Variants in OR2T12 observed in about 807,000 individuals in gnomAD.
OR2T12 encodes the protein olfactory receptor family 2 subfamily T member 12, also known as olfactory receptor 2T12.
For missense variants in OR2T12, 335 were observed against 404.3 expected (o/e 0.83, Z 1.47); for synonymous variants, 127 against 160.5 (o/e 0.79, Z 1.58).
chr1:248,298,606 C>T (rs10749650), intron 2 of OR2T12, among the ~76,000 whole-genome samples: 111,061 of 148,256 alleles, frequency 0.75, 41,747 homozygotes, highest in South Asian at 0.87. Context: ...AGGAATTTAT[C>T]CATTTCTTCT....
intron 2 of OR2T12, among the ~76,000 whole-genome samples, chr1:248,296,462 GC>G (rs1243337733): frequency 2.0e-5 from 3 of 152,184 alleles, no homozygotes; most frequent in Non-Finnish European, 4.4e-5. Flanking sequence ...CGAGTTTACA[GC>G]CCCACCAACA....
In OR2T12 at chr1:248,294,934, G is replaced by C; in HGVS notation, c.645C>G (p.Ser215=). 2 of 1,611,848 alleles carry C rather than the reference G, an allele frequency of 1.2e-6. No individual in the cohort carries two copies. Among genetic ancestry groups the C allele is most frequent in the East Asian group, 4.5e-5 (2 of 44,870 alleles). The stretch of plus-strand genomic sequence containing the variant: ...GAACAGCAGCGAGGATGAGACCATA[G>C]GAGGACAGGATGAGGGAAAAGGGGA... ...LLVPFSLILS[S]YGLILAAVLL... is the part of the protein sequence containing the mutation. The change falls in exon 3 of 3, where the codon TCC becomes TCG. Residue 215 remains serine, a synonymous_variant. Coordinates refer to ENST00000641276, the MANE Select transcript of OR2T12 (RefSeq NM_001004692.2).
chr1:248,297,206 G>A (rs1444951536), intron 2 of OR2T12, among the ~76,000 whole-genome samples: 1 of 151,848 alleles, frequency 6.6e-6, no homozygotes, highest in Non-Finnish European at 1.5e-5. Flanking sequence ...CTGTTCCATT[G>A]ATCTATATCT....
At position 248,297,848 on chromosome 1, in the gene OR2T12, G is replaced by C. The variant is rs1041213322; in HGVS notation, c.-8-2262C>G. On this transcript the variant is annotated intron_variant, in intron 2 of 2. Coordinates refer to ENST00000641276, the MANE Select transcript of OR2T12 (RefSeq NM_001004692.2). ...CTAATTGAATACCCTTTATTTCCTT[G>C]TCCTGCCTAATTGCCCTGGCCAGAA... Among the ~76,000 whole-genome samples the C allele has an allele frequency of 9.0e-3, 1,326 of 147,610 alleles. 18 individuals carry two copies. Among genetic ancestry groups the C allele is most frequent in the African/African-American group, 0.033 (1,253 of 37,898 alleles).
intron 2 of OR2T12, among the ~76,000 whole-genome samples, chr1:248,299,355 T>C (rs1180744320): frequency 6.6e-6 from 1 of 151,214 alleles, no homozygotes; most frequent in Non-Finnish European, 1.5e-5. Flanking sequence ...ACCAAGCAAA[T>C]GGAAAACAAA....
At chr1:248,301,760 G>T (rs1659814188) in intron 1 of OR2T12, among the ~76,000 whole-genome samples, 1 of 152,078 alleles carries the variant, frequency 6.6e-6, no homozygotes, top group African/African-American at 2.4e-5. Flanking sequence ...AAAAGATGGT[G>T]CATACGTTCA....
chr1:248,294,757 G>C lies in OR2T12; in HGVS notation c.822C>G (p.Ala274=), dbSNP rs750419111. Residue 274 remains alanine, a synonymous_variant, in exon 3 of 3, where the codon GCC becomes GCG. Coordinates refer to ENST00000641276, the MANE Select transcript of OR2T12 (RefSeq NM_001004692.2). Reference sequence around the variant, plus strand: ...GTAAAGGGGTGAACATAGTATAGAAGGCTGACACAACCTTATCGTGGTTAG... The same window carrying C: ...GTAAAGGGGTGAACATAGTATAGAACGCTGACACAACCTTATCGTGGTTAG... ...RSTNHDKVVS[A]FYTMFTPLLN... 3 of 1,613,870 alleles carry C rather than the reference G, an allele frequency of 1.9e-6. No homozygotes were observed. In the African/African-American group the frequency reaches 4.0e-5, roughly 22 times the overall value.
Position 248,292,243 on chromosome 1 carries a change from A to C in OR2T12, c.*2373T>G, listed in dbSNP as rs1659643528. On this transcript the variant is annotated 3_prime_UTR_variant, in exon 3 of 3. Transcript: ENST00000641276. ...GATTGAAGATAGCAGGTAATATCCA[A>C]GATTAGTTCAAAGCCTCATCTTGAT... is the stretch of plus-strand genomic sequence containing the variant. The C allele has an allele frequency of 6.6e-6, 1 of 152,158 alleles. No individual in the cohort carries two copies. Among genetic ancestry groups the C allele is most frequent in the Non-Finnish European group, 1.5e-5 (1 of 67,974 alleles). 9.4% of individuals were successfully genotyped at this position (152,158 alleles called of 1,614,324 possible).
At chr1:248,296,098 C>T (rs1218637412) in intron 2 of OR2T12, among the ~76,000 whole-genome samples, 1 of 149,942 alleles carries the variant, frequency 6.7e-6, no homozygotes, top group African/African-American at 2.5e-5. Flanking sequence ...AGTGAGAATA[C>T]CCGGTGTTTG....
intron 2 of OR2T12, among the ~76,000 whole-genome samples, chr1:248,298,976 A>G (rs1659774962): frequency 1.3e-5 from 2 of 152,194 alleles, no homozygotes; most frequent in South Asian, 4.1e-4. Context: ...TTTACAGACA[A>G]GCAAATGCTG....
At chr1:248,302,298 T>A (rs532894275) in intron 1 of OR2T12, among the ~76,000 whole-genome samples, 2 of 152,234 alleles carry the variant, frequency 1.3e-5, no homozygotes, top group African/African-American at 4.8e-5. Context: ...GTAGCATTGA[T>A]GAGTTTCACA....
chr1:248,294,289 C>T lies in OR2T12; in HGVS notation c.*327G>A. The T allele has an allele frequency of 4.7e-6, 1 of 212,798 alleles. No homozygotes were observed. Among genetic ancestry groups the T allele is most frequent in the Non-Finnish European group, 9.4e-6 (1 of 106,398 alleles). 13.2% of individuals were successfully genotyped at this position (212,798 alleles called of 1,614,324 possible). A position where few individuals can be genotyped will look rare whatever the true frequency, so the allele number is the denominator to read the frequency against. On this transcript the variant is annotated 3_prime_UTR_variant, in exon 3 of 3. Transcript: ENST00000641276. ...CATTATTGGGTTACCTTACTTCTCC[C>T]AAGGCATAGGTAAGTAGAGATATTT...
At chr1:248,298,584 G>A (rs1659768160) in intron 2 of OR2T12, among the ~76,000 whole-genome samples, 1 of 151,370 alleles carries the variant, frequency 6.6e-6, no homozygotes, top group African/African-American at 2.4e-5. Context: ...TCTTGGGAGG[G>A]TGTATGTGTC....
chr1:248,295,278 A>G lies in OR2T12; in HGVS notation c.301T>C (p.Phe101Leu). 1 of 1,608,438 alleles carries G rather than the reference A, an allele frequency of 6.2e-7. No individual in the cohort carries two copies. The highest frequency in any genetic ancestry group is 8.5e-7 in the Non-Finnish European group (1 of 1,177,740). ...TCTCCACCACCCAGTGTGGGGAGGA[A>G]GAAGATCTGCACACCACAGCCAGCG... ...SRAGCGVQIFFLPTLGGGECF... is the reference protein window; with the variant it reads ...SRAGCGVQIFLLPTLGGGECF... Residue 101 changes from phenylalanine to leucine, a missense_variant, in exon 3 of 3, where the codon TTC becomes CTC. Coordinates refer to ENST00000641276, the MANE Select transcript of OR2T12 (RefSeq NM_001004692.2).
chr1:248,302,204 A>G (rs116742912), intron 1 of OR2T12, among the ~76,000 whole-genome samples: 1,836 of 152,192 alleles, frequency 0.012, 27 homozygotes, highest in African/African-American at 0.029. Context: ...ATTGGCAATA[A>G]TGATCATAGC....
In OR2T12 at chr1:248,294,114, GAAAT is replaced by G. The variant is rs1558275969; in HGVS notation, c.*498_*501del. ...AACACTCAAAATACATTATTGAACAGAAATAAACTCTTCCAGGTTAGGGTACAAG... is the reference window on the plus strand; with the variant it reads ...AACACTCAAAATACATTATTGAACAGAAACTCTTCCAGGTTAGGGTACAAG... On this transcript the variant is annotated 3_prime_UTR_variant, in exon 3 of 3. Transcript: ENST00000641276. 6.5e-6 allele frequency: 1 copy of G among 154,774 alleles called. No individual in the cohort carries two copies. Among genetic ancestry groups the G allele is most frequent in the Non-Finnish European group, 1.4e-5 (1 of 69,696 alleles). 9.6% of individuals were successfully genotyped at this position (154,774 alleles called of 1,614,324 possible).
At chr1:248,296,396 T>C (rs1659728882) in intron 2 of OR2T12, among the ~76,000 whole-genome samples, 1 of 152,156 alleles carries the variant, frequency 6.6e-6, no homozygotes, top group African/African-American at 2.4e-5. Context: ...GGTCAAATGG[T>C]ATTTCTAGTT....
intron 2 of OR2T12, 75 bp from the exon 3 acceptor site, chr1:248,295,661 G>C: frequency 6.6e-7 from 1 of 1,511,280 alleles, no homozygotes; most frequent in Non-Finnish European, 8.9e-7. Flanking sequence ...TGACTGCACA[G>C]TTTCTGGACA....
rs1659678138 is a variant in OR2T12, at chr1:248,294,319, TG to T, written c.*296del. 1.5e-5 allele frequency: 4 copies of T among 267,688 alleles called. No individual in the cohort carries two copies. In the East Asian group the frequency reaches 3.2e-4, roughly 22 times the overall value. The allele number at this position is 267,688 out of a possible 1,614,324, so 16.6% of individuals were successfully genotyped here. A position where few individuals can be genotyped will look rare whatever the true frequency, so the allele number is the denominator to read the frequency against. ...CATAGGTAAGTAGAGATATTTTTGATGAAAAATTTGGGACACCTTTTAAAGA... is the reference window on the plus strand; with the variant it reads ...CATAGGTAAGTAGAGATATTTTTGATAAAAATTTGGGACACCTTTTAAAGA... On this transcript the variant is annotated 3_prime_UTR_variant, in exon 3 of 3. Coordinates refer to ENST00000641276, the MANE Select transcript of OR2T12 (RefSeq NM_001004692.2).
Sources: allele counts gnomAD v4.1 joint callset (sites outside exome capture counted in the v4.1 genomes callset), GRCh38; gene constraint gnomAD v4.1.1; transcripts MANE v1.5; gene names NCBI Gene and HGNC (gene_info 2026-07-23, HGNC 2026-07-21).